DLG2: variants seen among roughly 807,000 people sequenced by gnomAD.
The protein encoded by DLG2 is discs large MAGUK scaffold protein 2.
Under a neutral mutation model 132.5 loss-of-function variants are expected in DLG2, and 45 were observed. The ratio of observed to expected loss-of-function variants is 0.34; its 90% CI spans 0.27 to 0.44. The LOEUF (loss-of-function observed/expected upper bound fraction) is 0.44. DLG2 is among the 20% of genes least tolerant of loss of function. The pLI, the probability that DLG2 is intolerant of heterozygous loss-of-function variation, is 1.00. For synonymous variants in DLG2, 424 were observed against 419.6 expected, an observed-to-expected ratio of 1.01 and a Z score of -0.13; for missense variants, 1,045 against 1,196.9, an observed-to-expected ratio of 0.87 and a Z score of 1.87.
At chr11:83,481,449 A>ATAGTT (rs1240563659) in intron 22 of DLG2, among the ~76,000 whole-genome samples, 1 of 152,142 alleles carries the variant, frequency 6.6e-6, no homozygotes, top group Admixed American at 6.6e-5. Context: ...AAAAGTGACA[A>ATAGTT]TAGTTATACA....
At chr11:83,963,185 T>C (rs2089306514) in intron 13 of DLG2, among the ~76,000 whole-genome samples, 162 bp from the exon 14 acceptor site, 1 of 152,034 alleles carries the variant, frequency 6.6e-6, no homozygotes. Context: ...TTGCATTTAA[T>C]ATATACAAGC....
intron 3 of DLG2, among the ~76,000 whole-genome samples, chr11:85,591,083 G>A (rs771777532): frequency 6.6e-6 from 1 of 152,150 alleles, no homozygotes; most frequent in Non-Finnish European, 1.5e-5. Context: ...TCCTGAGTCA[G>A]AGTCCAGAAT....
chr11:83,505,462 G>T (rs1432774086), intron 21 of DLG2, among the ~76,000 whole-genome samples: 1 of 152,196 alleles, frequency 6.6e-6, no homozygotes, highest in Non-Finnish European at 1.5e-5. Flanking sequence ...CACAGAACAG[G>T]TCATCCTATA....
intron 8 of DLG2, among the ~76,000 whole-genome samples, chr11:84,238,275 G>A (rs1478009721): frequency 6.6e-5 from 10 of 152,102 alleles, no homozygotes; most frequent in African/African-American, 2.4e-4. Context: ...AATACTTTGA[G>A]AGGCCGAGGT....
At chr11:84,945,596 T>C (rs2050097532) in intron 6 of DLG2, among the ~76,000 whole-genome samples, 1 of 152,170 alleles carries the variant, frequency 6.6e-6, no homozygotes, top group Non-Finnish European at 1.5e-5. Flanking sequence ...GCTCAAGTGC[T>C]TTACCTCCCA....
At chr11:85,029,781 A>C (rs1378882374) in intron 6 of DLG2, among the ~76,000 whole-genome samples, 1 of 152,166 alleles carries the variant, frequency 6.6e-6, no homozygotes, top group African/African-American at 2.4e-5. Flanking sequence ...CCAACTCTGA[A>C]CTGAAAGTCT....
At chr11:84,652,116 A>G (rs1327393051) in intron 6 of DLG2, among the ~76,000 whole-genome samples, 2 of 152,204 alleles carry the variant, frequency 1.3e-5, no homozygotes, top group Non-Finnish European at 1.5e-5. Context: ...AGAAGCATGA[A>G]ATATTTGAAT....
chr11:85,536,925 A>C (rs2075625894), intron 3 of DLG2, among the ~76,000 whole-genome samples: 1 of 152,200 alleles, frequency 6.6e-6, no homozygotes, highest in African/African-American at 2.4e-5. Context: ...AATGCCAGTG[A>C]GAGGTGAAGC....
chr11:84,273,076 T>G, intron 7 of DLG2: 1 of 1,257,840 alleles, frequency 8.0e-7, no homozygotes, highest in Non-Finnish European at 1.1e-6. Context: ...TATACATTTC[T>G]CTATAGATAC....
intron 7 of DLG2, among the ~76,000 whole-genome samples, chr11:84,303,087 G>T (rs531144892): frequency 1.3e-5 from 2 of 152,074 alleles, no homozygotes; most frequent in Admixed American, 1.3e-4. Flanking sequence ...CTTCAGCCTG[G>T]GTGACAGAGT....
intron 4 of DLG2, among the ~76,000 whole-genome samples, chr11:85,223,566 G>A (rs947420355): frequency 1.3e-5 from 2 of 152,104 alleles, no homozygotes; most frequent in African/African-American, 4.8e-5. Flanking sequence ...TTAAGCCTGG[G>A]AGAAAGAGGT....
intron 14 of DLG2, among the ~76,000 whole-genome samples, chr11:83,952,615 T>G (rs1481177811): frequency 3.3e-5 from 5 of 152,208 alleles, no homozygotes; most frequent in Admixed American, 3.3e-4. Flanking sequence ...GATAGGCTAT[T>G]ATACAGCTAC....
At chr11:85,139,849 GGTAA>G (rs2076353475) in intron 5 of DLG2, among the ~76,000 whole-genome samples, 1 of 151,786 alleles carries the variant, frequency 6.6e-6, no homozygotes, top group Non-Finnish European at 1.5e-5. Flanking sequence ...TTTTGTATAT[GGTAA>G]GTATGTGTAT....
chr11:84,990,702 C>T (rs1157965300), intron 6 of DLG2, among the ~76,000 whole-genome samples: 1 of 119,844 alleles, frequency 8.3e-6, no homozygotes, highest in Non-Finnish European at 1.8e-5. Flanking sequence ...GTAGCGACAG[C>T]ACTAAATGCT....
intron 8 of DLG2, among the ~76,000 whole-genome samples, chr11:84,169,570 C>A (rs999668033): frequency 7.2e-5 from 11 of 152,010 alleles, no homozygotes; most frequent in Admixed American, 2.6e-4. Flanking sequence ...CAAGTGTGGC[C>A]TTCACTCAAA....
At chr11:83,630,294 C>A (rs1019880112) in intron 19 of DLG2, among the ~76,000 whole-genome samples, 3 of 152,094 alleles carry the variant, frequency 2.0e-5, no homozygotes, top group Non-Finnish European at 4.4e-5. Context: ...TTCTCTCTGA[C>A]ACCACCAGGA....
chr11:85,501,675 T>C (rs762006254), intron 3 of DLG2, among the ~76,000 whole-genome samples: 3 of 152,178 alleles, frequency 2.0e-5, no homozygotes, highest in Non-Finnish European at 2.9e-5. Flanking sequence ...AAAATGCTCA[T>C]CATCTCTGGT....
At chr11:84,708,222 T>C (rs572969198) in intron 6 of DLG2, among the ~76,000 whole-genome samples, 34 of 152,020 alleles carry the variant, frequency 2.2e-4, no homozygotes, top group African/African-American at 7.9e-4. Flanking sequence ...TATAAAAATA[T>C]CTACCTCATA....
At chr11:85,594,602 G>A (rs1030229756) in intron 3 of DLG2, among the ~76,000 whole-genome samples, 9 of 151,990 alleles carry the variant, frequency 5.9e-5, no homozygotes, top group Non-Finnish European at 7.4e-5. Context: ...TATAAGTAAT[G>A]ACTAAAGAAT....
Sources: gnomAD v4.1 joint callset for allele counts (sites outside exome capture counted in the v4.1 genomes callset) on GRCh38, gnomAD v4.1.1 for gene constraint, MANE v1.5 for transcripts, NCBI Gene and HGNC (gene_info 2026-07-23, HGNC 2026-07-21) for gene names.